The following PCDHB15 variants were observed in gnomAD, a reference collection of about 807,000 sequenced individuals.
PCDHB15 encodes the protein protocadherin beta-15.
For missense variants in PCDHB15, 1,032 were observed against 991.7 expected (o/e 1.04, Z -0.55); for synonymous variants, 492 against 447.9 (o/e 1.10, Z -1.24).
Position 141,248,095 on chromosome 5 carries a change from T to A in PCDHB15, c.*153T>A, listed in dbSNP as rs1554292408. 2 of 617,646 alleles carry A rather than the reference T, an allele frequency of 3.2e-6. No individual in the cohort carries two copies. The highest frequency in any genetic ancestry group is 5.1e-6 in the Non-Finnish European group (2 of 392,270). 38.3% of individuals were successfully genotyped at this position (617,646 alleles called of 1,614,324 possible). On this transcript the variant is annotated 3_prime_UTR_variant, in exon 1 of 1. Transcript: ENST00000231173. ...ATGTTACTCATTTCCTTTGTCTGAT[T>A]GTTAGTTTTCAAATTATTGTATTAT...
chr5:141,245,727 A>G lies in PCDHB15; in HGVS notation c.149A>G (p.Asn50Ser), dbSNP rs781972870. 2 of 1,614,202 alleles carry G rather than the reference A, an allele frequency of 1.2e-6. No homozygotes were observed. The highest frequency in any genetic ancestry group is 1.7e-6 in the Non-Finnish European group (2 of 1,180,026). ...ERGSFVANLA[N>S]DLGLGVGELA... ...GGTTCTTTTGTAGCCAACCTGGCCA[A>G]TGACCTAGGGCTGGGAGTGGGGGAG... The change falls in exon 1 of 1, where the codon AAT becomes AGT. Residue 50 changes from asparagine to serine, a missense_variant. Transcript: ENST00000231173.
chr5:141,246,102 A>G lies in PCDHB15; in HGVS notation c.524A>G (p.Asn175Ser), dbSNP rs782814738. ...NNVQNYNISP[N>S]SHFHVSTRTR... ...GTTCAAAACTACAATATTTCTCCCA[A>G]TTCTCATTTCCATGTTTCCACTCGC... The change falls in exon 1 of 1, where the codon AAT becomes AGT. Residue 175 changes from asparagine (N) to serine (S), a missense_variant. Asn to Ser is a conservative substitution (Grantham distance 46). Transcript: ENST00000231173. The G allele has an allele frequency of 1.3e-5, 21 of 1,614,048 alleles. No homozygotes were observed. The highest frequency in any genetic ancestry group is 8.0e-5 in the African/African-American group (6 of 74,928).
chr5:141,248,035 T>A lies in PCDHB15; in HGVS notation c.*93T>A. 1 of 1,255,290 alleles carries A rather than the reference T, an allele frequency of 8.0e-7. No individual in the cohort carries two copies. The highest frequency in any genetic ancestry group is 1.1e-6 in the Non-Finnish European group (1 of 925,946). The allele number at this position is 1,255,290 out of a possible 1,614,324, so 77.8% of individuals were successfully genotyped here. On this transcript the variant is annotated 3_prime_UTR_variant, in exon 1 of 1. Transcript: ENST00000231173. ...TTAACCCTTTAGTAATCTTGAATTC[T>A]ACTTTTTTTTAAATTTCTACTGTTG...
Position 141,246,112 on chromosome 5 carries a change from C to G in PCDHB15, c.534C>G (p.Phe178Leu), listed in dbSNP as rs782006319. Residue 178 changes from phenylalanine to leucine, a missense_variant, in exon 1 of 1, where the codon TTC becomes TTG. Coordinates refer to ENST00000231173, the MANE Select transcript of PCDHB15 (RefSeq NM_018935.4). The part of the protein sequence containing the change: ...QNYNISPNSH[F>L]HVSTRTRGDG... Reference sequence around the variant, plus strand: ...ACAATATTTCTCCCAATTCTCATTTCCATGTTTCCACTCGCACCCGAGGGG... The same window carrying G: ...ACAATATTTCTCCCAATTCTCATTTGCATGTTTCCACTCGCACCCGAGGGG... 6.2e-7 allele frequency: 1 copy of G among 1,614,184 alleles called. No individual in the cohort carries two copies. The highest frequency in any genetic ancestry group is 1.1e-5 in the South Asian group (1 of 91,088).
chr5:141,246,641 C>G lies in PCDHB15; in HGVS notation c.1063C>G (p.Pro355Ala). Reference protein sequence around the residue: ...PELSISSLTSPIPENSPETEV... With the variant: ...PELSISSLTSAIPENSPETEV... ...ACTAAGTATTTCATCACTTACCAGCCCTATTCCCGAGAATTCTCCAGAGAC... is the reference window on the plus strand; with the variant it reads ...ACTAAGTATTTCATCACTTACCAGCGCTATTCCCGAGAATTCTCCAGAGAC... Residue 355 changes from proline (P) to alanine (A), a missense_variant, in exon 1 of 1, where the codon CCT becomes GCT. Pro to Ala is a conservative substitution (Grantham distance 27). Transcript: ENST00000231173. 6.2e-7 allele frequency: 1 copy of G among 1,614,096 alleles called. No homozygotes were observed. The highest frequency in any genetic ancestry group is 8.5e-7 in the Non-Finnish European group (1 of 1,179,998).
In PCDHB15 at chr5:141,246,973, C is replaced by A. The variant is rs782712313; in HGVS notation, c.1395C>A (p.Ser465Arg). Residue 465 changes from serine (S) to arginine (R), a missense_variant, in exon 1 of 1, where the codon AGC becomes AGA. Physicochemically the swap from Ser to Arg is moderately radical, Grantham distance 110. Coordinates refer to ENST00000231173, the MANE Select transcript of PCDHB15 (RefSeq NM_018935.4). The part of the protein sequence containing the change: ...SYTLFVRENN[S>R]PALHIGSVSA... ...CCCTGTTCGTCCGCGAGAACAACAG[C>A]CCCGCCCTGCACATCGGCAGTGTCA... The A allele has an allele frequency of 4.3e-6, 7 of 1,613,366 alleles. No homozygotes were observed. The highest frequency in any genetic ancestry group is 5.9e-6 in the Non-Finnish European group (7 of 1,180,032).
Position 141,247,141 on chromosome 5 carries a change from C to G in PCDHB15, c.1563C>G (p.Tyr521Ter). The change falls in exon 1 of 1, where the codon TAC (tyrosine) becomes TAG (stop). Residue 521 changes from tyrosine (Y) to a stop codon, truncating the protein, a stop_gained. Coordinates refer to ENST00000231173, the MANE Select transcript of PCDHB15 (RefSeq NM_018935.4). LOFTEE classifies it low-confidence loss of function (END_TRUNC). ...TGTTCGCTCTCCAGTCGCTGGACTA[C>G]GAGGCCCTGCAGGCTTTCGAGTTCC... ...GHLFALQSLD[Y>*]EALQAFEFRV... is the part of the protein sequence containing the mutation. The G allele has an allele frequency of 1.2e-5, 19 of 1,613,890 alleles. No homozygotes were observed. Among genetic ancestry groups the G allele is most frequent in the Non-Finnish European group, 1.6e-5 (19 of 1,179,892 alleles).
chr5:141,245,658 G>T lies in PCDHB15; in HGVS notation c.80G>T (p.Gly27Val). Residue 27 changes from glycine (G) to valine (V), a missense_variant, in exon 1 of 1, where the codon GGC (glycine) becomes GTC (valine). Physicochemically the swap from Gly to Val is moderately radical, Grantham distance 109. Coordinates refer to ENST00000231173, the MANE Select transcript of PCDHB15 (RefSeq NM_018935.4). ...CTTTTACTGGAAGTGACTCTGGCAGGCTGGGAACCCCGTCGCTATTCTGTG... is the reference window on the plus strand; with the variant it reads ...CTTTTACTGGAAGTGACTCTGGCAGTCTGGGAACCCCGTCGCTATTCTGTG... ...LLLLLEVTLA[G>V]WEPRRYSVME... 2.5e-6 allele frequency: 4 copies of T among 1,614,204 alleles called. No individual in the cohort carries two copies. Among genetic ancestry groups the T allele is most frequent in the African/African-American group, 1.3e-5 (1 of 75,048 alleles).
rs782508898 is a variant in PCDHB15, at chr5:141,246,579, C to T, written c.1001C>T (p.Ser334Phe). The T allele has an allele frequency of 6.8e-6, 11 of 1,614,196 alleles. No individual in the cohort carries two copies. Among genetic ancestry groups the T allele is most frequent in the Middle Eastern group, 1.6e-4 (1 of 6,062 alleles). ...GGACTTTCTGGAAAATGCTCTGTCT[C>T]TGTTAAGGTGCTGGATGTTAACGAT... ...GGGLSGKCSV[S>F]VKVLDVNDNF... Residue 334 changes from serine (S) to phenylalanine (F), a missense_variant, in exon 1 of 1, where the codon TCT becomes TTT. Coordinates refer to ENST00000231173, the MANE Select transcript of PCDHB15 (RefSeq NM_018935.4).
chr5:141,245,500 C>G lies in PCDHB15; in HGVS notation c.-79C>G. 1.6e-6 allele frequency: 2 copies of G among 1,234,286 alleles called. No individual in the cohort carries two copies. The highest frequency in any genetic ancestry group is 2.3e-5 in the East Asian group (1 of 42,802). The allele number at this position is 1,234,286 out of a possible 1,614,324, so 76.5% of individuals were successfully genotyped here. On this transcript the variant is annotated 5_prime_UTR_variant, in exon 1 of 1. It adds an upstream start codon to the 5' untranslated region. Transcript: ENST00000231173. The stretch of plus-strand genomic sequence containing the variant: ...CCGAACAGGTTATCAACGCACAGAT[C>G]GATCACTGCCTCTGTCCCATCGCTC...
Position 141,247,280 on chromosome 5 carries a change from G to A in PCDHB15, c.1702G>A (p.Gly568Ser), listed in dbSNP as rs370152389. Residue 568 changes from glycine to serine, a missense_variant, in exon 1 of 1, where the codon GGC (glycine) becomes AGC (serine). Transcript: ENST00000231173. ...CTTCGTGCTGTACCCGCTGCAGAAC[G>A]GCTCCGCGCCCTGCACCGAGCTGGT... is the stretch of plus-strand genomic sequence containing the variant. ...SPFVLYPLQN[G>S]SAPCTELVPR... The A allele has an allele frequency of 1.1e-4, 178 of 1,610,544 alleles. 1 individual carries two copies. In the African/African-American group the frequency reaches 2.1e-3, roughly 19 times the overall value.
In PCDHB15 at chr5:141,247,038, C is replaced by A. The variant is rs782778852; in HGVS notation, c.1460C>A (p.Thr487Asn). The change falls in exon 1 of 1, where the codon ACC (threonine) becomes AAC (asparagine). Residue 487 changes from threonine (T) to asparagine (N), a missense_variant. Physicochemically the swap from Thr to Asn is moderately conservative, Grantham distance 65. Coordinates refer to ENST00000231173, the MANE Select transcript of PCDHB15 (RefSeq NM_018935.4). ...GACTCGGGCACCAACGCCCAGGTCA[C>A]CTACTCGCTGCTGCCGCCCCGGGAC... ...DRDSGTNAQVTYSLLPPRDPH... is the reference protein window; with the variant it reads ...DRDSGTNAQVNYSLLPPRDPH... The A allele has an allele frequency of 4.3e-5, 69 of 1,613,638 alleles. No homozygotes were observed. The highest frequency in any genetic ancestry group is 1.7e-4 in the Middle Eastern group (1 of 5,746).
rs782040793 is a variant in PCDHB15 at position 141,246,974 on chromosome 5, C to G, written c.1396C>G (p.Pro466Ala). 7.2e-5 allele frequency: 116 copies of G among 1,613,214 alleles called. No homozygotes were observed. The highest frequency in any genetic ancestry group is 9.2e-5 in the Non-Finnish European group (109 of 1,180,028). Residue 466 changes from proline (P) to alanine (A), a missense_variant, in exon 1 of 1, where the codon CCC (proline) becomes GCC (alanine). Physicochemically the swap from Pro to Ala is conservative, Grantham distance 27. Coordinates refer to ENST00000231173, the MANE Select transcript of PCDHB15 (RefSeq NM_018935.4). Reference protein sequence around the residue: ...YTLFVRENNSPALHIGSVSAT... With the variant: ...YTLFVRENNSAALHIGSVSAT... Reference sequence around the variant, plus strand: ...CCTGTTCGTCCGCGAGAACAACAGCCCCGCCCTGCACATCGGCAGTGTCAG... The same window carrying G: ...CCTGTTCGTCCGCGAGAACAACAGCGCCGCCCTGCACATCGGCAGTGTCAG...
At position 141,245,724 on chromosome 5, in the gene PCDHB15, C is replaced by G. The variant is rs1314873612; in HGVS notation, c.146C>G (p.Ala49Gly). Residue 49 changes from alanine to glycine, a missense_variant, in exon 1 of 1, where the codon GCC (alanine) becomes GGC (glycine). By Grantham distance (60) the Ala-to-Gly change is moderately conservative. Coordinates refer to ENST00000231173, the MANE Select transcript of PCDHB15 (RefSeq NM_018935.4). ...AGAGGTTCTTTTGTAGCCAACCTGG[C>G]CAATGACCTAGGGCTGGGAGTGGGG... Reference protein sequence around the residue: ...TERGSFVANLANDLGLGVGEL... With the variant: ...TERGSFVANLGNDLGLGVGEL... 29 of 1,614,046 alleles carry G rather than the reference C, an allele frequency of 1.8e-5. No individual in the cohort carries two copies. The highest frequency in any genetic ancestry group is 2.4e-5 in the Non-Finnish European group (28 of 1,180,046).
Position 141,247,616 on chromosome 5 carries a change from C to A in PCDHB15, c.2038C>A (p.Gln680Lys). The change falls in exon 1 of 1, where the codon CAA (glutamine) becomes AAA (lysine). Residue 680 changes from glutamine to lysine, a missense_variant. Gln to Lys is a moderately conservative substitution (Grantham distance 53). Coordinates refer to ENST00000231173, the MANE Select transcript of PCDHB15 (RefSeq NM_018935.4). ...GCCGCTCCCAGAGGCGGCCCCGGCC[C>A]AAGCCCAGGCCGACTCGCTTACCGT... is the stretch of plus-strand genomic sequence containing the variant. The part of the protein sequence containing the change: ...YLPLPEAAPA[Q>K]AQADSLTVYL... 6.2e-7 allele frequency: 1 copy of A among 1,610,382 alleles called. No homozygotes were observed.
At position 141,247,081 on chromosome 5, in the gene PCDHB15, C is replaced by G; in HGVS notation, c.1503C>G (p.Thr501=). 6.2e-7 allele frequency: 1 copy of G among 1,614,042 alleles called. No individual in the cohort carries two copies. The highest frequency in any genetic ancestry group is 1.1e-5 in the South Asian group (1 of 91,074). The change falls in exon 1 of 1, where the codon ACC becomes ACG. Residue 501 remains threonine (T), a synonymous_variant. Transcript: ENST00000231173. ...LPPRDPHLPL[T]SLVSINTDNG... Reference sequence around the variant, plus strand: ...CCCGGGACCCGCACCTGCCCCTCACCTCCCTGGTCTCCATTAACACGGACA... The same window carrying G: ...CCCGGGACCCGCACCTGCCCCTCACGTCCCTGGTCTCCATTAACACGGACA...
In PCDHB15 at chr5:141,246,738, A is replaced by G. The variant is rs1554291999; in HGVS notation, c.1160A>G (p.Asp387Gly). The G allele has an allele frequency of 1.9e-6, 3 of 1,614,186 alleles. No homozygotes were observed. Among genetic ancestry groups the G allele is most frequent in the Non-Finnish European group, 8.5e-7 (1 of 1,180,042 alleles). Residue 387 changes from aspartate (D) to glycine (G), a missense_variant, in exon 1 of 1, where the codon GAT becomes GGT. Coordinates refer to ENST00000231173, the MANE Select transcript of PCDHB15 (RefSeq NM_018935.4). ...ENGKMICSIQ[D>G]DVPFKLKPSV... ...GGAAAAATGATTTGCTCAATTCAGG[A>G]TGATGTTCCTTTTAAGCTAAAACCT...
chr5:141,247,156 T>G lies in PCDHB15; in HGVS notation c.1578T>G (p.Ala526=), dbSNP rs3776091. The G allele has an allele frequency of 0.16, 254,851 of 1,613,596 alleles. 21,264 individuals are homozygous for G. Among genetic ancestry groups the G allele is most frequent in the Middle Eastern group, 0.2 (1,150 of 5,806 alleles). The change falls in exon 1 of 1, where the codon GCT becomes GCG. Residue 526 remains alanine (A), a synonymous_variant. Coordinates refer to ENST00000231173, the MANE Select transcript of PCDHB15 (RefSeq NM_018935.4). ...LQSLDYEALQ[A]FEFRVGATDR... ...CGCTGGACTACGAGGCCCTGCAGGC[T>G]TTCGAGTTCCGCGTGGGCGCCACAG...
chr5:141,247,753 C>T lies in PCDHB15; in HGVS notation c.2175C>T (p.Cys725=). ...RRSRAASVGR[C]SVPEGPFPGH... The stretch of plus-strand genomic sequence containing the variant: ...GCAGGGCGGCCTCAGTGGGTCGCTG[C>T]TCGGTGCCCGAGGGCCCCTTTCCAG... The change falls in exon 1 of 1, where the codon TGC becomes TGT. Residue 725 remains cysteine, a synonymous_variant. Transcript: ENST00000231173. The T allele has an allele frequency of 6.2e-7, 1 of 1,614,158 alleles. No individual in the cohort carries two copies. Among genetic ancestry groups the T allele is most frequent in the Non-Finnish European group, 8.5e-7 (1 of 1,180,040 alleles).
Sources: allele counts gnomAD v4.1 joint callset, GRCh38; gene constraint gnomAD v4.1.1; transcripts MANE v1.5; gene names NCBI Gene and HGNC (gene_info 2026-07-23, HGNC 2026-07-21).